REPS1: variants seen among roughly 807,000 people sequenced by gnomAD.
The protein encoded by REPS1 is RALBP1 associated Eps domain containing 1, also known as ralBP1-associated Eps domain-containing protein 1.
REPS1 carries 39 observed loss-of-function variants against 100.9 expected under a neutral mutation model. That is an observed-to-expected ratio of 0.39 (90% confidence interval 0.30 to 0.50). REPS1 has a LOEUF of 0.50. Among genes scored for constraint, REPS1 ranks in the 20% least tolerant of loss-of-function variants. The pLI is 0.86. For missense variants in REPS1, 821 were observed against 968.5 expected (o/e 0.85, Z 2.02); for synonymous variants, 324 against 340.3 (o/e 0.95, Z 0.53).
At chr6:138,930,526 T>C (rs1005489243) in intron 8 of REPS1, among the ~76,000 whole-genome samples, 2 of 152,316 alleles carry the variant, frequency 1.3e-5, no homozygotes, top group East Asian at 3.9e-4. Flanking sequence ...TGTTGGAGCA[T>C]CCGTATGCAC....
Position 138,987,634 on chromosome 6 carries a change from G to A in REPS1, c.49C>T (p.Leu17Phe). Residue 17 changes from leucine to phenylalanine, a missense_variant, in exon 1 of 20, where the codon CTC (leucine) becomes TTC (phenylalanine). By Grantham distance (22) the Leu-to-Phe change is conservative. Coordinates refer to ENST00000450536, the MANE Select transcript of REPS1 (RefSeq NM_001286611.2). ...SDAEQKYYSD[L>F]FSYCDIESTK... ...CTCTCAATGTCGCAGTAGGAGAAGA[G>A]ATCTGAATAGTATTTCTGCTCCGCA... The A allele has an allele frequency of 6.4e-7, 1 of 1,550,760 alleles. No individual in the cohort carries two copies. The highest frequency in any genetic ancestry group is 1.2e-5 in the South Asian group (1 of 84,048).
chr6:138,981,207 A>G (rs1484319723), intron 1 of REPS1, among the ~76,000 whole-genome samples: 1 of 152,200 alleles, frequency 6.6e-6, no homozygotes, highest in Non-Finnish European at 1.5e-5. Context: ...TTCTGTCTTC[A>G]TTATTTAATG....
At chr6:138,956,666 CA>C (rs1783413264) in intron 1 of REPS1, among the ~76,000 whole-genome samples, 3 of 152,038 alleles carry the variant, frequency 2.0e-5, no homozygotes, top group East Asian at 3.9e-4. Context: ...CCTGCCCCCT[CA>C]AAAAAAGATA....
rs1367309071 is a variant in REPS1, at chr6:138,926,717, T to C, written c.1258-236A>G. ...TAGTAATGATTTATTGCAATCTCTA[T>C]GGAAGAGATTTAAAGCCTTACAGAG... On this transcript the variant is annotated intron_variant, in intron 9 of 19. Transcript: ENST00000450536. 14 of 443,078 alleles carry C rather than the reference T, an allele frequency of 3.2e-5. No individual in the cohort carries two copies. The Admixed American group carries it at 4.1e-4, about 13-fold the overall frequency. The allele number at this position is 443,078 out of a possible 1,614,324, so 27.4% of individuals were successfully genotyped here.
intron 19 of REPS1, among the ~76,000 whole-genome samples, chr6:138,906,309 A>G (rs143783673): frequency 6.8e-4 from 104 of 152,368 alleles, no homozygotes; most frequent in African/African-American, 2.2e-3. Flanking sequence ...CAAAGTGGCC[A>G]TAAGTTTATA....
Position 138,988,108 on chromosome 6 carries a change from G to A in REPS1, c.-426C>T. 2 of 398,064 alleles carry A rather than the reference G, an allele frequency of 5.0e-6. No homozygotes were observed. The highest frequency in any genetic ancestry group is 4.4e-6 in the Non-Finnish European group (1 of 225,686). The allele number at this position is 398,064 out of a possible 1,614,324, so 24.7% of individuals were successfully genotyped here. On this transcript the variant is annotated 5_prime_UTR_variant, in exon 1 of 20. Coordinates refer to ENST00000450536, the MANE Select transcript of REPS1 (RefSeq NM_001286611.2). ...GGCTTCCCCTTCCGTCCACGCCTCC[G>A]GAGCGGCAGCGCTTCCCGGAAAGTT... is the stretch of plus-strand genomic sequence containing the variant.
chr6:138,929,883 C>T (rs561608091), intron 9 of REPS1, 94 bp downstream of exon 9: 5 of 1,201,974 alleles, frequency 4.2e-6, no homozygotes, highest in South Asian at 4.0e-5. Flanking sequence ...ATTATGCATG[C>T]ATGCTGGAAG....
intron 1 of REPS1, among the ~76,000 whole-genome samples, chr6:138,973,561 C>T (rs1029281303): frequency 2.5e-5 from 3 of 120,950 alleles, no homozygotes; most frequent in Non-Finnish European, 5.7e-5. Context: ...AGGAGTAATA[C>T]ACAAGCGTGT....
At chr6:138,933,227 C>A (rs891645235) in intron 8 of REPS1, among the ~76,000 whole-genome samples, 2 of 152,116 alleles carry the variant, frequency 1.3e-5, no homozygotes, top group South Asian at 2.1e-4. Flanking sequence ...TTGTGTGAGG[C>A]TAGATTTAAT....
chr6:138,909,906 C>T (rs1779897464), intron 17 of REPS1, among the ~76,000 whole-genome samples: 1 of 152,070 alleles, frequency 6.6e-6, no homozygotes, highest in Non-Finnish European at 1.5e-5. Flanking sequence ...ACTTCAGAAA[C>T]ACATGCTGTT....
At chr6:138,956,833 G>A (rs992329694) in intron 1 of REPS1, among the ~76,000 whole-genome samples, 6 of 151,852 alleles carry the variant, frequency 4.0e-5, no homozygotes, top group African/African-American at 1.2e-4. Flanking sequence ...CACACAGAGG[G>A]AAAGAATCTT....
At chr6:138,932,246 C>T (rs1285670869) in intron 8 of REPS1, among the ~76,000 whole-genome samples, 2 of 152,092 alleles carry the variant, frequency 1.3e-5, no homozygotes, top group Non-Finnish European at 2.9e-5. Context: ...TATACTTTAC[C>T]GCTATTTCAA....
chr6:138,962,810 C>G (rs1412537801), intron 1 of REPS1, among the ~76,000 whole-genome samples: 1 of 152,118 alleles, frequency 6.6e-6, no homozygotes, highest in Non-Finnish European at 1.5e-5. Flanking sequence ...CTTATATTCC[C>G]AGCACCTAGA....
chr6:138,976,850 T>A (rs1032634386), intron 1 of REPS1, among the ~76,000 whole-genome samples: 1 of 152,242 alleles, frequency 6.6e-6, no homozygotes, highest in Non-Finnish European at 1.5e-5. Context: ...TCAGTTCTAA[T>A]GAATCTTGGA....
intron 1 of REPS1, among the ~76,000 whole-genome samples, chr6:138,979,859 T>C (rs563416039): frequency 3.6e-4 from 55 of 152,214 alleles, no homozygotes; most frequent in Non-Finnish European, 6.5e-4. Flanking sequence ...TTTCATTACC[T>C]TAAGTATCAC....
intron 1 of REPS1, chr6:138,951,184 A>T (rs913732456): frequency 6.6e-6 from 1 of 152,372 alleles, no homozygotes; most frequent in African/African-American, 2.4e-5. Context: ...GGGAAACTCC[A>T]TCTCAAAAAA....
intron 13 of REPS1, chr6:138,916,179 A>AT (rs1182257569): frequency 4.4e-6 from 2 of 453,682 alleles, no homozygotes; most frequent in Non-Finnish European, 7.8e-6. Context: ...GTGGCTAACA[A>AT]TTTTTTTAAT....
In REPS1 at chr6:138,981,278, T is replaced by C. The variant is rs75595459; in HGVS notation, c.153+6252A>G. Among the ~76,000 whole-genome samples, 65 of 152,306 alleles carry C rather than the reference T, an allele frequency of 4.3e-4. No individual in the cohort carries two copies. In the East Asian group the frequency reaches 0.011, roughly 26 times the overall value. On this transcript the variant is annotated intron_variant, in intron 1 of 19. Transcript: ENST00000450536. ...GAAACAAAATGCAGAAGAGATGTAGTATTCTTAATTTTAAAAAGCCTAAGT... is the reference window on the plus strand; with the variant it reads ...GAAACAAAATGCAGAAGAGATGTAGCATTCTTAATTTTAAAAAGCCTAAGT...
chr6:138,905,583 G>A (rs1417766645), intron 19 of REPS1, among the ~76,000 whole-genome samples: 3 of 150,418 alleles, frequency 2.0e-5, no homozygotes, highest in African/African-American at 4.9e-5. Context: ...GAGCCACCGC[G>A]CCCGGCTGAA....
Sources: gnomAD v4.1 joint callset for allele counts (sites outside exome capture counted in the v4.1 genomes callset) on GRCh38, gnomAD v4.1.1 for gene constraint, MANE v1.5 for transcripts, NCBI Gene and HGNC (gene_info 2026-07-23, HGNC 2026-07-21) for gene names.